Variants in NRXN1 observed in about 807,000 individuals in gnomAD.
NRXN1 encodes the protein neurexin 1, also known as neurexin-1.
In NRXN1, 39 loss-of-function variants were observed where a neutral mutation model predicts 150.9. That is an observed-to-expected ratio of 0.26 (90% confidence interval 0.20 to 0.34). The LOEUF (loss-of-function observed/expected upper bound fraction) is 0.34, where lower values mean the gene tolerates loss of function less well. Ranked by LOEUF, NRXN1 falls within the 10% of genes least tolerant of loss-of-function variation. The pLI, the probability that NRXN1 is intolerant of heterozygous loss-of-function variation, is 1.00. For missense variants in NRXN1, 1,815 were observed against 1,949.9 expected (o/e 0.93, Z 1.30); for synonymous variants, 924 against 757.0 (o/e 1.22, Z -3.62).
chr2:50,768,939 C>T (rs544287372), intron 5 of NRXN1, among the ~76,000 whole-genome samples: 2 of 151,566 alleles, frequency 1.3e-5, no homozygotes, highest in East Asian at 3.9e-4. Flanking sequence ...CACACACATA[C>T]ACACACACAC....
At chr2:50,361,307 A>C (rs190073039) in intron 17 of NRXN1, among the ~76,000 whole-genome samples, 1 of 152,304 alleles carries the variant, frequency 6.6e-6, no homozygotes, top group Non-Finnish European at 1.5e-5. Flanking sequence ...AACCTTCAAA[A>C]AATCAATGAA....
At chr2:50,465,979 C>A (rs1476516566) in intron 16 of NRXN1, among the ~76,000 whole-genome samples, 1 of 151,658 alleles carries the variant, frequency 6.6e-6, no homozygotes, top group Non-Finnish European at 1.5e-5. Flanking sequence ...ATAAGATTGG[C>A]AAAATAACTG....
At chr2:50,274,131 G>A (rs1032264743) in intron 17 of NRXN1, among the ~76,000 whole-genome samples, 1 of 152,096 alleles carries the variant, frequency 6.6e-6, no homozygotes, top group African/African-American at 2.4e-5. Flanking sequence ...CAACCGAAAT[G>A]TCCATCAATG....
chr2:50,317,140 G>T (rs948798742), intron 17 of NRXN1, among the ~76,000 whole-genome samples: 21 of 152,036 alleles, frequency 1.4e-4, no homozygotes, highest in African/African-American at 4.8e-4. Flanking sequence ...TAGACATGGA[G>T]GAGATAATCA....
rs1208529771 is a variant in NRXN1 at position 50,177,776 on chromosome 2, T to TAA, written c.3546+59012_3546+59013insTT. On this transcript the variant is annotated intron_variant, in intron 18 of 22. Transcript: ENST00000401669. ...ATTGTAGCTAAACTAACTAACTAAC[T>TAA]CTCTCTCTCTCTCTCTCTCTCTCTC... 5.2e-4 allele frequency among the ~76,000 whole-genome samples: 5 copies of TAA among 9,524 alleles called. No individual in the cohort carries two copies. In the South Asian group the frequency reaches 6.9e-3, roughly 13 times the overall value. The allele number at this position is 9,524 out of a possible 152,430, so 6.2% of individuals were successfully genotyped here. A position where few individuals can be genotyped will look rare whatever the true frequency, so the allele number is the denominator to read the frequency against.
intron 17 of NRXN1, among the ~76,000 whole-genome samples, chr2:50,412,330 A>G (rs1411191447): frequency 9.9e-6 from 1 of 100,992 alleles, no homozygotes; most frequent in Non-Finnish European, 1.8e-5. Context: ...AAATAAATAA[A>G]AAATAAAAAA....
chr2:50,191,468 A>G (rs911818861), intron 18 of NRXN1, among the ~76,000 whole-genome samples: 2 of 152,168 alleles, frequency 1.3e-5, no homozygotes, highest in Non-Finnish European at 1.5e-5. Flanking sequence ...GTATAGTTAT[A>G]GGTAGTTTTA....
intron 17 of NRXN1, among the ~76,000 whole-genome samples, chr2:50,315,467 T>C (rs778477873): frequency 1.3e-5 from 2 of 152,164 alleles, no homozygotes; most frequent in African/African-American, 4.8e-5. Flanking sequence ...TCATGCTCTT[T>C]GCTCACAGTT....
intron 17 of NRXN1, among the ~76,000 whole-genome samples, chr2:50,417,593 C>A (rs923231884): frequency 6.6e-6 from 1 of 151,724 alleles, no homozygotes; most frequent in Non-Finnish European, 1.5e-5. Context: ...ATTCCAAGCT[C>A]CTACAGAGTC....
Position 50,054,246 on chromosome 2 carries a change from GAA to G in NRXN1, c.3809-658_3809-657del, listed in dbSNP as rs11331484. Among the ~76,000 whole-genome samples the G allele has an allele frequency of 2.5e-3, 376 of 150,166 alleles. 1 individual carries two copies. The highest frequency in any genetic ancestry group is 8.2e-3 in the African/African-American group (339 of 41,104). On this transcript the variant is annotated intron_variant, in intron 20 of 22. Transcript: ENST00000401669. ...CAAGTCTATCAAAACAAAACAAAAT[GAA>G]AAAAAAAAATAGCTTCAGATGTAAA...
chr2:50,377,311 T>C lies in NRXN1; in HGVS notation c.3364+88131A>G, dbSNP rs113969339. Among the ~76,000 whole-genome samples the C allele has an allele frequency of 1.6e-4, 25 of 152,248 alleles. 1 individual carries two copies. Among genetic ancestry groups the C allele is most frequent in the African/African-American group, 5.1e-4 (21 of 41,580 alleles). ...TCCTCCCTGTGGCCATGTGTTCTCA[T>C]TGTTTAGCTCCCACTTATAAGTGAG... On this transcript the variant is annotated intron_variant, in intron 17 of 22. Coordinates refer to ENST00000401669, the MANE Select transcript of NRXN1 (RefSeq NM_001330078.2).
In NRXN1 at chr2:50,779,217, C is replaced by T. The variant is rs564279251; in HGVS notation, c.832+142652G>A. On this transcript the variant is annotated intron_variant, in intron 5 of 22. Coordinates refer to ENST00000401669, the MANE Select transcript of NRXN1 (RefSeq NM_001330078.2). ...AGGTTCTAGTGTGTGATGTTCCCCT[C>T]CCTGTGTCCATGTGTTCTCACTGTG... 8.6e-5 allele frequency among the ~76,000 whole-genome samples: 13 copies of T among 151,468 alleles called. No homozygotes were observed. The East Asian group carries it at 2.6e-3, about 30-fold the overall frequency.
At position 50,826,732 on chromosome 2, in the gene NRXN1, GGAGAATGGATAGCTCTGTTTTGGTC is replaced by G. The variant is rs549274554; in HGVS notation, c.832+95112_832+95136del. Among the ~76,000 whole-genome samples, 100 of 152,268 alleles carry G rather than the reference GGAGAATGGATAGCTCTGTTTTGGTC, an allele frequency of 6.6e-4. No homozygotes were observed. The East Asian group carries it at 0.016, about 24-fold the overall frequency. On this transcript the variant is annotated intron_variant, in intron 5 of 22. Transcript: ENST00000401669. ...CGGCAGAAATTATGAACTAGAAAAT[GGAGAATGGATAGCTCTGTTTTGGTC>G]TTGAGAAGTTTGAGATAGCTCTTAG...
intron 2 of NRXN1, among the ~76,000 whole-genome samples, chr2:51,019,416 T>C (rs1669248117): frequency 6.6e-6 from 1 of 152,138 alleles, no homozygotes; most frequent in African/African-American, 2.4e-5. Flanking sequence ...ACTACTGTGA[T>C]TTTTAACAGA....
intron 17 of NRXN1, among the ~76,000 whole-genome samples, chr2:50,292,371 T>C (rs2073031530): frequency 6.6e-6 from 1 of 152,174 alleles, no homozygotes; most frequent in African/African-American, 2.4e-5. Context: ...CAAATCCTAC[T>C]TCCTGGCTCT....
chr2:50,025,548 A>AAG, intron 21 of NRXN1, among the ~76,000 whole-genome samples: 1 of 152,236 alleles, frequency 6.6e-6, no homozygotes, highest in African/African-American at 2.4e-5. Context: ...TTGAGGTGGC[A>AAG]GTGGGAAGAG....
chr2:50,920,010 C>A, intron 5 of NRXN1: 1 of 396,122 alleles, frequency 2.5e-6, no homozygotes, highest in South Asian at 1.9e-5. Context: ...AATTAATCTG[C>A]AATTAGAGAA....
intron 18 of NRXN1, among the ~76,000 whole-genome samples, chr2:50,139,152 G>A (rs999415993): frequency 4.0e-5 from 6 of 151,692 alleles, no homozygotes; most frequent in East Asian, 1.9e-4. Context: ...ATGGTGAAAC[G>A]CCATCTCTAC....
chr2:50,925,668 C>T (rs1686753853), intron 3 of NRXN1, among the ~76,000 whole-genome samples: 1 of 151,860 alleles, frequency 6.6e-6, no homozygotes, highest in Admixed American at 6.6e-5. Flanking sequence ...TATCATTTTT[C>T]TCATACAGAA....
Sources: gnomAD v4.1 joint callset for allele counts (sites outside exome capture counted in the v4.1 genomes callset) on GRCh38, gnomAD v4.1.1 for gene constraint, MANE v1.5 for transcripts, NCBI Gene and HGNC (gene_info 2026-07-23, HGNC 2026-07-21) for gene names.